MRPS27: variants seen among roughly 807,000 people sequenced by gnomAD.
MRPS27 encodes the protein small ribosomal subunit protein mS27.
In MRPS27, 43 loss-of-function variants were observed where a neutral mutation model predicts 48.9. That is an observed-to-expected ratio of 0.88 (90% CI 0.69 to 1.13). MRPS27 has a LOEUF of 1.13. Among genes scored for constraint, MRPS27 ranks in the 50% most tolerant of loss-of-function variants. The probability of loss-of-function intolerance (pLI) is 0.00; values close to 1 mark genes in which losing one functional copy is unlikely to be tolerated. For missense variants in MRPS27, 467 were observed against 476.3 expected (o/e 0.98, Z 0.18); for synonymous variants, 188 against 171.9 (o/e 1.09, Z -0.73).
intron 4 of MRPS27, among the ~76,000 whole-genome samples, chr5:72,276,492 GACATAGGC>G (rs1749377017): frequency 6.6e-6 from 1 of 152,114 alleles, no homozygotes; most frequent in African/African-American, 2.4e-5. Flanking sequence ...TATCATTCAG[GACATAGGC>G]ACAGGCAAAG....
chr5:72,317,994 A>G (rs1750606128), intron 1 of MRPS27, among the ~76,000 whole-genome samples: 2 of 152,352 alleles, frequency 1.3e-5, no homozygotes, highest in South Asian at 4.1e-4. Flanking sequence ...CCACACATAC[A>G]TAAACTACAC....
chr5:72,296,289 AAAAG>A (rs1749977923), intron 3 of MRPS27, among the ~76,000 whole-genome samples: 2 of 152,358 alleles, frequency 1.3e-5, no homozygotes, highest in African/African-American at 4.8e-5. Context: ...AAAACCTCAT[AAAAG>A]AAAGAGAGGA....
chr5:72,240,011 G>A (rs1372723867), intron 4 of MRPS27, among the ~76,000 whole-genome samples: 1 of 152,108 alleles, frequency 6.6e-6, no homozygotes, highest in Non-Finnish European at 1.5e-5. Flanking sequence ...GAAGTATCAG[G>A]TGTACTGCTT....
At chr5:72,287,441 A>G (rs894216281) in intron 4 of MRPS27, among the ~76,000 whole-genome samples, 112 of 152,292 alleles carry the variant, frequency 7.4e-4, no homozygotes, top group African/African-American at 2.7e-3. Context: ...GGAGTTCAAG[A>G]CCGGCCTTGC....
intron 6 of MRPS27, among the ~76,000 whole-genome samples, chr5:72,233,111 A>T (rs1748105877): frequency 6.6e-6 from 1 of 152,172 alleles, no homozygotes; most frequent in Admixed American, 6.5e-5. Context: ...GGAAACCCTA[A>T]ATCTCAGGTG....
rs372582173 is a variant in MRPS27 at position 72,318,288 on chromosome 5, G to T, written c.73+1861C>A. ...TTGTTTTGTAGTATTTTGATCCGCT[G>T]TTGGTTGACTCTGCAGATGCAGAAT... On this transcript the variant is annotated intron_variant, in intron 1 of 10. Transcript: ENST00000261413. Among the ~76,000 whole-genome samples the T allele has an allele frequency of 1.3e-3, 202 of 152,342 alleles. 2 individuals are homozygous for T. In the South Asian group the frequency reaches 0.04, roughly 30 times the overall value.
intron 4 of MRPS27, among the ~76,000 whole-genome samples, chr5:72,242,685 C>CACAA (rs1748390551): frequency 6.6e-6 from 1 of 150,712 alleles, no homozygotes; most frequent in African/African-American, 2.5e-5. Flanking sequence ...CACACACACA[C>CACAA]ACACACACAC....
At chr5:72,314,332 G>A (rs930564637) in intron 1 of MRPS27, 174 bp from the exon 2 acceptor site, 31 of 452,900 alleles carry the variant, frequency 6.8e-5, no homozygotes, top group African/African-American at 5.7e-4. Context: ...AGAACAAAAT[G>A]CATTCAACCC....
chr5:72,223,902 C>A, intron 9 of MRPS27, 52 bp from the exon 10 acceptor site: 1 of 1,581,020 alleles, frequency 6.3e-7, no homozygotes, highest in Non-Finnish European at 8.6e-7. Context: ...CCCAAAAGCA[C>A]ATGGTGAAGA....
At chr5:72,228,723 C>T (rs927293309) in intron 7 of MRPS27, 12 of 171,438 alleles carry the variant, frequency 7.0e-5, no homozygotes, top group South Asian at 1.8e-4. Flanking sequence ...CACTTTAAAC[C>T]GACACTCGAG....
chr5:72,309,085 G>C (rs1338543182), intron 2 of MRPS27, among the ~76,000 whole-genome samples: 1 of 151,880 alleles, frequency 6.6e-6, no homozygotes, highest in African/African-American at 2.4e-5. Flanking sequence ...AAAGAATATA[G>C]GGCAGGAAAC....
At chr5:72,306,475 A>T (rs1285107034) in intron 2 of MRPS27, among the ~76,000 whole-genome samples, 1 of 152,232 alleles carries the variant, frequency 6.6e-6, no homozygotes, top group African/African-American at 2.4e-5. Context: ...GCAGAGGAGC[A>T]CGCTAAACAC....
chr5:72,311,374 G>A lies in MRPS27; in HGVS notation c.151+2707C>T, dbSNP rs1223715303. On this transcript the variant is annotated intron_variant, in intron 2 of 10. Coordinates refer to ENST00000261413, the MANE Select transcript of MRPS27 (RefSeq NM_015084.3). ...AAAACAAATGAATCAAAATGGTAAC[G>A]ACAGGTGAACATGAGTAAAAGTAGC... Among the ~76,000 whole-genome samples, 7 of 152,198 alleles carry A rather than the reference G, an allele frequency of 4.6e-5. No homozygotes were observed. The East Asian group carries it at 5.8e-4, about 13-fold the overall frequency.
chr5:72,282,090 A>C (rs927681279), intron 4 of MRPS27, among the ~76,000 whole-genome samples: 1 of 152,228 alleles, frequency 6.6e-6, no homozygotes, highest in Non-Finnish European at 1.5e-5. Flanking sequence ...TGCCTGTTCA[A>C]AACAAACATA....
intron 4 of MRPS27, among the ~76,000 whole-genome samples, chr5:72,293,521 C>T (rs1749888929): frequency 1.3e-5 from 2 of 152,120 alleles, no homozygotes; most frequent in Non-Finnish European, 2.9e-5. Context: ...AGTTATACCC[C>T]AGGCCACACA....
intron 4 of MRPS27, among the ~76,000 whole-genome samples, chr5:72,281,686 C>G (rs1749537214): frequency 6.6e-6 from 1 of 152,164 alleles, no homozygotes. Context: ...GTAGTCCATT[C>G]CAACTGGAGT....
At chr5:72,276,909 T>C (rs1014905492) in intron 4 of MRPS27, among the ~76,000 whole-genome samples, 3 of 152,060 alleles carry the variant, frequency 2.0e-5, no homozygotes, top group Admixed American at 1.3e-4. Flanking sequence ...CGGGCACCTG[T>C]AGTCCCAGCT....
chr5:72,281,222 A>G (rs1202323788), intron 4 of MRPS27, among the ~76,000 whole-genome samples: 1 of 152,236 alleles, frequency 6.6e-6, no homozygotes, highest in Non-Finnish European at 1.5e-5. Context: ...AATTTTATTG[A>G]GCACTGACCT....
chr5:72,318,229 A>G (rs533694053), intron 1 of MRPS27, among the ~76,000 whole-genome samples: 1 of 152,234 alleles, frequency 6.6e-6, no homozygotes, highest in East Asian at 1.9e-4. Context: ...GTATTATTTT[A>G]CTGTTGTATT....
Sources: gnomAD v4.1 joint callset for allele counts (sites outside exome capture counted in the v4.1 genomes callset) on GRCh38, gnomAD v4.1.1 for gene constraint, MANE v1.5 for transcripts, NCBI Gene and HGNC (gene_info 2026-07-23, HGNC 2026-07-21) for gene names.